The following NCMAP variants were observed in gnomAD, a reference collection of about 807,000 sequenced individuals.
NCMAP encodes non-compact myelin associated protein.
NCMAP carries 8 observed loss-of-function variants against 7.8 expected under a neutral mutation model. The observed-to-expected ratio is 1.02, with a 90% CI of 0.60 to 1.84. The LOEUF (loss-of-function observed/expected upper bound fraction) is 1.84, where lower values mean the gene tolerates loss of function less well. NCMAP is among the 40% of genes most tolerant of loss of function. NCMAP has a pLI of 0.00. For missense variants in NCMAP, 112 were observed against 131.4 expected, an observed-to-expected ratio of 0.85 and a Z score of 0.72; for synonymous variants, 41 against 52.9, an observed-to-expected ratio of 0.78 and a Z score of 0.98.
chr1:24,582,275 G>A (rs1398697078), intron 1 of NCMAP, among the ~76,000 whole-genome samples: 1 of 152,164 alleles, frequency 6.6e-6, no homozygotes, highest in Admixed American at 6.5e-5. Flanking sequence ...CACACCTTGG[G>A]ATCAGACAGA....
chr1:24,599,048 G>A (rs1557603228), intron 2 of NCMAP, among the ~76,000 whole-genome samples: 1 of 151,556 alleles, frequency 6.6e-6, no homozygotes, highest in Non-Finnish European at 1.5e-5. Context: ...GGGAGGCTGA[G>A]GGGGGCAGAT....
At chr1:24,584,528 G>T (rs945926357) in intron 1 of NCMAP, among the ~76,000 whole-genome samples, 2 of 152,186 alleles carry the variant, frequency 1.3e-5, no homozygotes. Flanking sequence ...GTTTGACAGG[G>T]TGGGGAAGTA....
At chr1:24,564,178 G>A (rs533364278) in intron 1 of NCMAP, among the ~76,000 whole-genome samples, 1 of 152,110 alleles carries the variant, frequency 6.6e-6, no homozygotes, top group Non-Finnish European at 1.5e-5. Flanking sequence ...ATCCCCAAAA[G>A]CAACAGGGAA....
At chr1:24,604,602 AAAAATATATATATATATATATATATAT>A (rs1389415409) in intron 3 of NCMAP, among the ~76,000 whole-genome samples, 12 of 45,506 alleles carry the variant, frequency 2.6e-4, no homozygotes, top group East Asian at 9.8e-4. Context: ...AAAAAAAAAA[AAAAATATATATATATATATATATATAT>A]ATATATATAT....
At chr1:24,595,381 A>C (rs755133792) in intron 1 of NCMAP, 43 bp from the exon 2 acceptor site, 5 of 1,396,840 alleles carry the variant, frequency 3.6e-6, no homozygotes, top group Non-Finnish European at 5.1e-6. Context: ...AATAATAAGG[A>C]TTTATCTAAT....
In NCMAP at chr1:24,606,333, T is replaced by C. The variant is rs935666483; in HGVS notation, c.*586T>C. The C allele has an allele frequency of 6.6e-6, 1 of 152,380 alleles. No homozygotes were observed. The highest frequency in any genetic ancestry group is 1.5e-5 in the Non-Finnish European group (1 of 68,184). The allele number at this position is 152,380 out of a possible 1,614,324, so 9.4% of individuals were successfully genotyped here. On this transcript the variant is annotated 3_prime_UTR_variant, in exon 4 of 4. Coordinates refer to ENST00000374392, the MANE Select transcript of NCMAP (RefSeq NM_001010980.5). Reference sequence around the variant, plus strand: ...CTTGAAGAAAGGTTGCAAGAAGAACTAAATTATCCTCAAAAGATTTCTGCT... The same window carrying C: ...CTTGAAGAAAGGTTGCAAGAAGAACCAAATTATCCTCAAAAGATTTCTGCT...
chr1:24,578,313 C>T (rs1036246639), intron 1 of NCMAP, among the ~76,000 whole-genome samples: 16 of 151,864 alleles, frequency 1.1e-4, no homozygotes, highest in South Asian at 2.1e-4. Flanking sequence ...TATGTGCTCC[C>T]GGGGGCTTTG....
chr1:24,584,439 CT>C (rs1557598677), intron 1 of NCMAP, among the ~76,000 whole-genome samples: 1 of 152,196 alleles, frequency 6.6e-6, no homozygotes, highest in Non-Finnish European at 1.5e-5. Flanking sequence ...ATCTGCAGGT[CT>C]TGGGTTAGAA....
At chr1:24,584,078 A>G (rs1168135922) in intron 1 of NCMAP, among the ~76,000 whole-genome samples, 1 of 152,154 alleles carries the variant, frequency 6.6e-6, no homozygotes, top group African/African-American at 2.4e-5. Context: ...TCGAGGTGGC[A>G]TTATTATCCT....
chr1:24,601,024 G>A lies in NCMAP; in HGVS notation c.167G>A (p.Arg56Lys), dbSNP rs762145101. 5.6e-6 allele frequency: 9 copies of A among 1,613,730 alleles called. No individual in the cohort carries two copies. The Admixed American group carries it at 1.5e-4, about 27-fold the overall frequency. ...CTGATCCTGCTGAAGATGTACAACA[G>A]GTACGGATGCCCTGGGCTTTGGAAC... is the stretch of plus-strand genomic sequence containing the variant. ...VVLILLKMYN[R>K]KMRTRRELEP... Residue 56 changes from arginine to lysine, a missense_variant and splice_region_variant, in exon 3 of 4, where the codon AGG becomes AAG. Physicochemically the swap from Arg to Lys is conservative, Grantham distance 26. Transcript: ENST00000374392.
chr1:24,579,829 C>T (rs72884499), intron 1 of NCMAP, among the ~76,000 whole-genome samples: 2,557 of 152,310 alleles, frequency 0.017, 64 homozygotes, highest in African/African-American at 0.058. Context: ...CTGGACAGAA[C>T]CTGGCCATTG....
At chr1:24,567,618 C>T (rs1022689654) in intron 1 of NCMAP, among the ~76,000 whole-genome samples, 6 of 152,132 alleles carry the variant, frequency 3.9e-5, no homozygotes, top group Non-Finnish European at 5.9e-5. Context: ...AGAGAGGAGT[C>T]GCAAAGCCTC....
In NCMAP at chr1:24,605,763, T is replaced by C. The variant is rs768548239; in HGVS notation, c.*16T>C. 1.4e-5 allele frequency: 23 copies of C among 1,613,852 alleles called. No homozygotes were observed. Among genetic ancestry groups the C allele is most frequent in the Non-Finnish European group, 1.9e-5 (22 of 1,179,896 alleles). ...GACGCGATGACCTCTACCCTGGCGC[T>C]ATCTCCACCACTGTCCAAAGAGCCT... On this transcript the variant is annotated 3_prime_UTR_variant, in exon 4 of 4. Transcript: ENST00000374392.
At chr1:24,572,122 T>A (rs921690447) in intron 1 of NCMAP, among the ~76,000 whole-genome samples, 1 of 150,256 alleles carries the variant, frequency 6.7e-6, no homozygotes, top group African/African-American at 2.5e-5. Context: ...TGAGTAGCCA[T>A]CCAAAGCTGG....
At chr1:24,571,513 A>G (rs1360011608) in intron 1 of NCMAP, among the ~76,000 whole-genome samples, 2 of 150,606 alleles carry the variant, frequency 1.3e-5, no homozygotes, top group Non-Finnish European at 2.9e-5. Flanking sequence ...CTAAATTTTG[A>G]TATTTTATGT....
intron 1 of NCMAP, among the ~76,000 whole-genome samples, chr1:24,561,909 TCAA>T (rs1557591423): frequency 1.7e-5 from 1 of 59,260 alleles, no homozygotes. Flanking sequence ...AGACTTCGTC[TCAA>T]AAAAAAAAAA....
intron 3 of NCMAP, among the ~76,000 whole-genome samples, chr1:24,601,710 G>A (rs1652498622): frequency 1.3e-5 from 2 of 152,160 alleles, no homozygotes; most frequent in Non-Finnish European, 2.9e-5. Flanking sequence ...TTTGAGTCCA[G>A]CCTGGGCAAC....
At chr1:24,575,210 CA>C (rs1651514950) in intron 1 of NCMAP, among the ~76,000 whole-genome samples, 1 of 151,672 alleles carries the variant, frequency 6.6e-6, no homozygotes, top group African/African-American at 2.4e-5. Context: ...GACTTTGTCT[CA>C]GATAAAAAAA....
At chr1:24,573,327 A>C (rs1486459346) in intron 1 of NCMAP, among the ~76,000 whole-genome samples, 1 of 150,622 alleles carries the variant, frequency 6.6e-6, no homozygotes, top group Non-Finnish European at 1.5e-5. Context: ...GCAGTGGCTC[A>C]CTCCTGTAAT....
Sources: allele counts gnomAD v4.1 joint callset (sites outside exome capture counted in the v4.1 genomes callset), GRCh38; gene constraint gnomAD v4.1.1; transcripts MANE v1.5; gene names NCBI Gene and HGNC (gene_info 2026-07-23, HGNC 2026-07-21).